The following STAP1 variants were observed in gnomAD, a reference collection of about 807,000 sequenced individuals.
STAP1 encodes signal transducing adaptor family member 1.
Under a neutral mutation model 37.8 loss-of-function variants are expected in STAP1, and 30 were observed. The observed-to-expected ratio is 0.79, with a 90% CI of 0.59 to 1.08. The LOEUF (loss-of-function observed/expected upper bound fraction) is 1.08. Ranked by LOEUF, STAP1 falls within the 50% of genes least tolerant of loss-of-function variation. The pLI is 0.00. For synonymous variants in STAP1, 130 were observed against 116.0 expected (o/e 1.12, Z -0.78); for missense variants, 357 against 349.4 (o/e 1.02, Z -0.17).
intron 1 of STAP1, among the ~76,000 whole-genome samples, chr4:67,561,612 G>T (rs1176184679): frequency 6.6e-6 from 1 of 150,960 alleles, no homozygotes; most frequent in Non-Finnish European, 1.5e-5. Context: ...TTATGGAAAA[G>T]ATAATGTGGG....
chr4:67,580,755 A>G (rs1224388068), intron 4 of STAP1, among the ~76,000 whole-genome samples: 1 of 152,222 alleles, frequency 6.6e-6, no homozygotes, highest in East Asian at 1.9e-4. Flanking sequence ...CACAAAACCA[A>G]CTAATAAGTA....
chr4:67,569,357 A>G (rs1727546996), intron 1 of STAP1, among the ~76,000 whole-genome samples: 1 of 152,192 alleles, frequency 6.6e-6, no homozygotes, highest in East Asian at 1.9e-4. Context: ...CTAGAATATC[A>G]TCAGATACTA....
intron 2 of STAP1, 70 bp downstream of exon 2, chr4:67,571,225 T>C: frequency 9.0e-7 from 1 of 1,109,482 alleles, no homozygotes; most frequent in South Asian, 1.5e-5. Context: ...ATTATTCATT[T>C]TGGATTTTCT....
intron 4 of STAP1, among the ~76,000 whole-genome samples, chr4:67,580,331 T>A (rs1727823367): frequency 6.6e-6 from 1 of 152,250 alleles, no homozygotes; most frequent in Non-Finnish European, 1.5e-5. Context: ...CTTAGTTATC[T>A]AAAATGTCTC....
At chr4:67,588,053 A>G (rs1173937716) in intron 6 of STAP1, among the ~76,000 whole-genome samples, 1 of 150,648 alleles carries the variant, frequency 6.6e-6, no homozygotes, top group East Asian at 1.9e-4. Context: ...AAAAAAAAAA[A>G]AAAAAAAAAA....
chr4:67,575,594 C>A, intron 3 of STAP1, 96 bp downstream of exon 3: 1 of 875,172 alleles, frequency 1.1e-6, no homozygotes, highest in Non-Finnish European at 1.8e-6. Flanking sequence ...GTAAGACAGG[C>A]TAAGTCTTAC....
chr4:67,590,186 C>G (rs1370656521), intron 6 of STAP1, among the ~76,000 whole-genome samples: 1 of 152,092 alleles, frequency 6.6e-6, no homozygotes, highest in Non-Finnish European at 1.5e-5. Context: ...ATAGGATATG[C>G]CTCTTGTTCA....
chr4:67,563,531 C>A (rs549233609), intron 1 of STAP1, among the ~76,000 whole-genome samples: 1 of 152,206 alleles, frequency 6.6e-6, no homozygotes, highest in African/African-American at 2.4e-5. Context: ...TATAGCGAAA[C>A]CCCATTTCTA....
At chr4:67,562,152 G>A (rs1278818341) in intron 1 of STAP1, among the ~76,000 whole-genome samples, 46 of 147,488 alleles carry the variant, frequency 3.1e-4, no homozygotes, top group Non-Finnish European at 3.1e-4. Flanking sequence ...TTTGGGCAAC[G>A]TCTCATAATT....
intron 1 of STAP1, among the ~76,000 whole-genome samples, chr4:67,564,082 T>A (rs1166196880): frequency 6.6e-6 from 1 of 152,212 alleles, no homozygotes; most frequent in Non-Finnish European, 1.5e-5. Context: ...ATGACTCAGA[T>A]TCTATGTGTA....
chr4:67,598,932 T>C (rs1370101536), intron 8 of STAP1, among the ~76,000 whole-genome samples: 1 of 152,232 alleles, frequency 6.6e-6, no homozygotes, highest in African/African-American at 2.4e-5. Context: ...GAAGCGATGC[T>C]GAATTTTATC....
At chr4:67,582,696 G>T (rs1727891671) in intron 5 of STAP1, among the ~76,000 whole-genome samples, 1 of 151,874 alleles carries the variant, frequency 6.6e-6, no homozygotes, top group East Asian at 1.9e-4. Flanking sequence ...GTCTGTATAA[G>T]TTGAACAATG....
At chr4:67,582,301 GT>G (rs368595773) in intron 5 of STAP1, among the ~76,000 whole-genome samples, 15 of 148,152 alleles carry the variant, frequency 1.0e-4, no homozygotes, top group East Asian at 5.9e-4. Context: ...TAACATTTTA[GT>G]TTTTTTTTTG....
intron 4 of STAP1, among the ~76,000 whole-genome samples, 165 bp from the exon 5 acceptor site, chr4:67,581,140 C>T (rs1403055850): frequency 1.3e-5 from 2 of 152,184 alleles, no homozygotes; most frequent in Non-Finnish European, 2.9e-5. Context: ...GGTTCTGAAA[C>T]ACCCAACCTA....
chr4:67,581,807 A>G (rs1268455026), intron 5 of STAP1, among the ~76,000 whole-genome samples: 2 of 152,160 alleles, frequency 1.3e-5, no homozygotes, highest in Non-Finnish European at 2.9e-5. Flanking sequence ...TGATTGACTG[A>G]TTTTCTCTCA....
At chr4:67,604,510 T>A (rs1355810133) in intron 8 of STAP1, among the ~76,000 whole-genome samples, 2 of 152,196 alleles carry the variant, frequency 1.3e-5, no homozygotes, top group Non-Finnish European at 2.9e-5. Context: ...AGAACATCTA[T>A]CTTTATATTC....
At chr4:67,606,127 T>C (rs1728444182) in intron 8 of STAP1, among the ~76,000 whole-genome samples, 169 bp from the exon 9 acceptor site, 1 of 152,082 alleles carries the variant, frequency 6.6e-6, no homozygotes. Context: ...CAGGATAAAA[T>C]AAAATTTAAA....
intron 5 of STAP1, among the ~76,000 whole-genome samples, 193 bp downstream of exon 5, chr4:67,581,664 C>G (rs1727863577): frequency 6.6e-6 from 1 of 152,124 alleles, no homozygotes; most frequent in East Asian, 1.9e-4. Flanking sequence ...TTGAACCAAC[C>G]ATCTTACCAC....
rs1486140530 is a variant in STAP1, at chr4:67,575,515, A to G, written c.306+17A>G. 2 of 1,557,240 alleles carry G rather than the reference A, an allele frequency of 1.3e-6. No individual in the cohort carries two copies. Among genetic ancestry groups the G allele is most frequent in the Admixed American group, 1.7e-5 (1 of 58,162 alleles). On this transcript the variant is annotated intron_variant, in intron 3 of 8. Transcript: ENST00000265404. ...CAACTGAAGGTGAGCGAGGAGAAAC[A>G]GTAGTCTGTAAAGGGTTGTGGTTAT...
Sources: gnomAD v4.1 joint callset for allele counts (sites outside exome capture counted in the v4.1 genomes callset) on GRCh38, gnomAD v4.1.1 for gene constraint, MANE v1.5 for transcripts, NCBI Gene and HGNC (gene_info 2026-07-23, HGNC 2026-07-21) for gene names.